The following CACNA2D2 variants were observed in gnomAD, a reference collection of about 807,000 sequenced individuals.
CACNA2D2 encodes the protein calcium voltage-gated channel auxiliary subunit alpha2delta 2.
CACNA2D2 carries 48 observed loss-of-function variants against 166.4 expected under a neutral mutation model. The ratio of observed to expected loss-of-function variants is 0.29; its 90% CI spans 0.23 to 0.37. CACNA2D2 has a LOEUF of 0.37. Ranked by LOEUF, CACNA2D2 falls within the 10% of genes least tolerant of loss-of-function variation. The pLI, the probability that CACNA2D2 is intolerant of heterozygous loss-of-function variation, is 1.00. For synonymous variants in CACNA2D2, 561 were observed against 573.7 expected (o/e 0.98, Z 0.32); for missense variants, 1,122 against 1,433.0 (o/e 0.78, Z 3.50).
At chr3:50,480,447 ATCT>A (rs975344319) in intron 1 of CACNA2D2, among the ~76,000 whole-genome samples, 8 of 151,706 alleles carry the variant, frequency 5.3e-5, no homozygotes, top group African/African-American at 1.9e-4. Flanking sequence ...GGCTCAGGAC[ATCT>A]TCTATGAAAG....
Position 50,367,715 on chromosome 3 carries a change from C to T in CACNA2D2, c.2235-11G>A, listed in dbSNP as rs1459946026. 4 of 1,611,896 alleles carry T rather than the reference C, an allele frequency of 2.5e-6. No individual in the cohort carries two copies. The highest frequency in any genetic ancestry group is 3.4e-6 in the Non-Finnish European group (4 of 1,178,784). On this transcript the variant is annotated splice_polypyrimidine_tract_variant and intron_variant, in intron 25 of 37. Transcript: ENST00000424201. This position sits in a 1 kb window ranked among gnomAD's most constrained non-coding sequence, Gnocchi z 6.5. Reference sequence around the variant, plus strand: ...GCCAGTAGGCTGTACCTGGGGGTAGCAGGGGGGTGGGGTCACAGGCCTGCC... The same window carrying T: ...GCCAGTAGGCTGTACCTGGGGGTAGTAGGGGGGTGGGGTCACAGGCCTGCC...
At chr3:50,495,435 G>A (rs934137026) in intron 1 of CACNA2D2, among the ~76,000 whole-genome samples, 2 of 152,196 alleles carry the variant, frequency 1.3e-5, no homozygotes, top group Admixed American at 6.5e-5. Context: ...CAGAACCCAC[G>A]AGAACTGGGT....
At chr3:50,466,287 TG>T in intron 2 of CACNA2D2, among the ~76,000 whole-genome samples, 1 of 152,234 alleles carries the variant, frequency 6.6e-6, no homozygotes, top group African/African-American at 2.4e-5. Flanking sequence ...TGTGTGTGTG[TG>T]TGTGTGTGCT....
chr3:50,485,627 C>T (rs751346584), intron 1 of CACNA2D2, among the ~76,000 whole-genome samples: 11 of 152,218 alleles, frequency 7.2e-5, no homozygotes, highest in Non-Finnish European at 1.5e-4. Flanking sequence ...TTGCACTCTG[C>T]TGAGAAACTC....
At chr3:50,432,738 TC>T in intron 3 of CACNA2D2, among the ~76,000 whole-genome samples, 1 of 151,994 alleles carries the variant, frequency 6.6e-6, no homozygotes, top group African/African-American at 2.4e-5. Context: ...GGGTGGGAGG[TC>T]CTCAGAGTCC....
At chr3:50,447,196 C>CG (rs1049242898) in intron 2 of CACNA2D2, among the ~76,000 whole-genome samples, 1 of 152,196 alleles carries the variant, frequency 6.6e-6, no homozygotes, top group Admixed American at 6.5e-5. Flanking sequence ...CGACCCTCAC[C>CG]GGGAACTCAC....
At chr3:50,451,279 C>T (rs1709091720) in intron 2 of CACNA2D2, among the ~76,000 whole-genome samples, 1 of 152,168 alleles carries the variant, frequency 6.6e-6, no homozygotes, top group Admixed American at 6.5e-5. Context: ...GTGTGCGCCA[C>T]CATGCCCAGC....
rs1704738862 is a variant in CACNA2D2, at chr3:50,372,955, G to GC, written c.1984+1781dup. 22 of 790,762 alleles carry GC rather than the reference G, an allele frequency of 2.8e-5. No homozygotes were observed. In the South Asian group the frequency reaches 3.0e-4, roughly 11 times the overall value. The allele number at this position is 790,762 out of a possible 1,614,324, so 49.0% of individuals were successfully genotyped here. On this transcript the variant is annotated intron_variant, in intron 22 of 37. Coordinates refer to ENST00000424201, the MANE Select transcript of CACNA2D2 (RefSeq NM_006030.4). ...GGAGCCAAGGGGAAGCTGGGAGGGG[G>GC]CCCTGGAGAGCAGGGGTTTGGCTGG...
chr3:50,424,457 C>T (rs1175980403), intron 3 of CACNA2D2, among the ~76,000 whole-genome samples: 1 of 152,168 alleles, frequency 6.6e-6, no homozygotes, highest in Non-Finnish European at 1.5e-5. Flanking sequence ...CACACGCACG[C>T]GCTCTCCACC....
chr3:50,442,806 C>T (rs1708661377), intron 2 of CACNA2D2, among the ~76,000 whole-genome samples: 3 of 152,296 alleles, frequency 2.0e-5, no homozygotes, highest in Admixed American at 2.0e-4. Flanking sequence ...GGCATGGACC[C>T]CACTGGAGGG....
At chr3:50,452,645 G>C (rs925577097) in intron 2 of CACNA2D2, among the ~76,000 whole-genome samples, 1 of 152,240 alleles carries the variant, frequency 6.6e-6, no homozygotes, top group African/African-American at 2.4e-5. Context: ...GACAAGGCAA[G>C]ACTGAGTAAG....
chr3:50,396,462 G>A (rs937988794), intron 3 of CACNA2D2, among the ~76,000 whole-genome samples: 33 of 152,020 alleles, frequency 2.2e-4, no homozygotes, highest in African/African-American at 7.0e-4. Flanking sequence ...GGTCCTGTAG[G>A]GCCCACCTGA....
intron 1 of CACNA2D2, among the ~76,000 whole-genome samples, chr3:50,479,110 G>A (rs1697928516): frequency 6.6e-6 from 1 of 152,150 alleles, no homozygotes; most frequent in Non-Finnish European, 1.5e-5. Flanking sequence ...ATTTTTAGAA[G>A]AGCCAAGTCT....
rs1299155883 is a variant in CACNA2D2, at chr3:50,364,653, T to TG, written c.*12dup. 7 of 1,494,814 alleles carry TG rather than the reference T, an allele frequency of 4.7e-6. No homozygotes were observed. The highest frequency in any genetic ancestry group is 2.4e-4 in the Middle Eastern group (1 of 4,204). 92.6% of individuals were successfully genotyped at this position (1,494,814 alleles called of 1,614,324 possible). ...GGGTGAGGTGGGAGTGGAGGTGGGG[T>TG]GGGGCAGGGTGCTCAGAGGCGGCGA... is the stretch of plus-strand genomic sequence containing the variant. On this transcript the variant is annotated 3_prime_UTR_variant, in exon 38 of 38. Transcript: ENST00000424201.
chr3:50,377,175 C>A (rs917992933), intron 17 of CACNA2D2, among the ~76,000 whole-genome samples: 1 of 152,234 alleles, frequency 6.6e-6, no homozygotes, highest in South Asian at 2.1e-4. Flanking sequence ...TAGCCATGCC[C>A]ATTGTTTATG....
At chr3:50,370,992 C>T (rs1267812424) in intron 22 of CACNA2D2, among the ~76,000 whole-genome samples, 14 of 151,978 alleles carry the variant, frequency 9.2e-5, no homozygotes, top group Admixed American at 7.2e-4. Context: ...CAACCAGAGA[C>T]GGGTCGGGGC....
In CACNA2D2 at chr3:50,374,820, G is replaced by C. The variant is rs1355143765; in HGVS notation, c.1908-7C>G. ...TGGGAGCACCAGCCCCAGGCTGAGGGGGGAGAAGCTCGGGTCACGGCTGGG... is the reference window on the plus strand; with the variant it reads ...TGGGAGCACCAGCCCCAGGCTGAGGCGGGAGAAGCTCGGGTCACGGCTGGG... On this transcript the variant is annotated splice_polypyrimidine_tract_variant and splice_region_variant and intron_variant, in intron 21 of 37. Transcript: ENST00000424201. 5.0e-6 allele frequency: 8 copies of C among 1,585,482 alleles called. No individual in the cohort carries two copies. The African/African-American group carries it at 6.7e-5, about 13-fold the overall frequency.
intron 3 of CACNA2D2, among the ~76,000 whole-genome samples, chr3:50,405,684 G>T (rs1218810438): frequency 2.0e-5 from 3 of 151,104 alleles, no homozygotes; most frequent in Non-Finnish European, 2.9e-5. Context: ...GGCCTGCCTT[G>T]ACAATCATCC....
chr3:50,439,158 A>T (rs1006827198), intron 2 of CACNA2D2, among the ~76,000 whole-genome samples: 3 of 151,328 alleles, frequency 2.0e-5, no homozygotes, highest in African/African-American at 7.4e-5. Flanking sequence ...AGCCATGGGA[A>T]AAGAGGCATA....
Sources: allele counts gnomAD v4.1 joint callset (sites outside exome capture counted in the v4.1 genomes callset), GRCh38; gene constraint gnomAD v4.1.1; non-coding constraint Gnocchi (gnomAD v3.1); transcripts MANE v1.5; gene names NCBI Gene and HGNC (gene_info 2026-07-23, HGNC 2026-07-21).